Variants in TRERF1 observed in about 807,000 individuals in gnomAD.
TRERF1 encodes the protein transcriptional regulating factor 1.
Under a neutral mutation model 122.9 loss-of-function variants are expected in TRERF1, and 27 were observed. The observed-to-expected ratio is 0.22, with a 90% CI of 0.16 to 0.30. TRERF1 has a LOEUF of 0.30. TRERF1 is among the 10% of genes least tolerant of loss of function. TRERF1 has a pLI of 1.00. For synonymous variants in TRERF1, 636 were observed against 641.7 expected (o/e 0.99, Z 0.13); for missense variants, 1,248 against 1,560.3 (o/e 0.80, Z 3.37).
At chr6:42,234,115 A>G (rs1409604544) in intron 16 of TRERF1, among the ~76,000 whole-genome samples, 1 of 152,086 alleles carries the variant, frequency 6.6e-6, no homozygotes, top group East Asian at 1.9e-4. Flanking sequence ...ATTTATGATA[A>G]AAGTTATGAT....
intron 7 of TRERF1, 31 bp downstream of exon 7, chr6:42,264,673 T>C (rs942520139): frequency 1.2e-6 from 2 of 1,610,238 alleles, no homozygotes; most frequent in African/African-American, 2.7e-5. Context: ...GCACACGACC[T>C]AGAAAGGACC....
intron 4 of TRERF1, among the ~76,000 whole-genome samples, chr6:42,284,355 G>A (rs1401009001): frequency 1.3e-5 from 2 of 151,630 alleles, no homozygotes; most frequent in African/African-American, 2.4e-5. Flanking sequence ...CGTGAGCCAC[G>A]GCACCACAGT....
chr6:42,302,214 T>G (rs2150260510), intron 3 of TRERF1, among the ~76,000 whole-genome samples: 1 of 152,344 alleles, frequency 6.6e-6, no homozygotes, highest in African/African-American at 2.4e-5. Flanking sequence ...GCTGCTGGTA[T>G]GCATTCCTAC....
intron 4 of TRERF1, among the ~76,000 whole-genome samples, chr6:42,274,356 C>T (rs114658483): frequency 0.029 from 4,473 of 152,132 alleles, 232 homozygotes; most frequent in African/African-American, 0.1. Context: ...CAGTGCCTCG[C>T]TAATGGTAGA....
intron 12 of TRERF1, among the ~76,000 whole-genome samples, chr6:42,256,130 T>TAAAAAA (rs11376682): frequency 8.9e-6 from 1 of 112,638 alleles, no homozygotes; most frequent in African/African-American, 3.5e-5. Context: ...GACTCCATCT[T>TAAAAAA]AAAAAAAAAA....
chr6:42,296,480 C>G (rs897887751), intron 4 of TRERF1, among the ~76,000 whole-genome samples: 1 of 152,198 alleles, frequency 6.6e-6, no homozygotes, highest in Non-Finnish European at 1.5e-5. Context: ...GTTACAAGCT[C>G]TACAGGCATC....
intron 2 of TRERF1, among the ~76,000 whole-genome samples, chr6:42,410,415 C>T (rs1780939756): frequency 6.6e-6 from 1 of 152,144 alleles, no homozygotes; most frequent in African/African-American, 2.4e-5. Context: ...TCCCAAAGGG[C>T]TGGGATTACA....
At chr6:42,352,726 T>C (rs1183848344) in intron 3 of TRERF1, among the ~76,000 whole-genome samples, 1 of 152,090 alleles carries the variant, frequency 6.6e-6, no homozygotes, top group Non-Finnish European at 1.5e-5. Flanking sequence ...GAGATAAATA[T>C]AATAACTGGG....
chr6:42,228,068 A>G lies in TRERF1; in HGVS notation c.*277T>C, dbSNP rs768879766. 9 of 317,798 alleles carry G rather than the reference A, an allele frequency of 2.8e-5. No individual in the cohort carries two copies. Among genetic ancestry groups the G allele is most frequent in the Non-Finnish European group, 4.0e-5 (7 of 174,262 alleles). The allele number at this position is 317,798 out of a possible 1,614,324, so 19.7% of individuals were successfully genotyped here. On this transcript the variant is annotated 3_prime_UTR_variant, in exon 18 of 18. Coordinates refer to ENST00000372922, the Ensembl canonical transcript of TRERF1. The surrounding 1 kb of genome is among the most constrained non-coding windows in gnomAD (Gnocchi z 4.2). Reference sequence around the variant, plus strand: ...GCAATGGAACATGAAGGTCAGCTTCAGTCCCTACTGGGAATGATTTCATGA... The same window carrying G: ...GCAATGGAACATGAAGGTCAGCTTCGGTCCCTACTGGGAATGATTTCATGA...
chr6:42,256,657 A>G (rs1582602767), intron 12 of TRERF1, 71 bp downstream of exon 12: 3 of 1,385,642 alleles, frequency 2.2e-6, no homozygotes, highest in Admixed American at 3.4e-5. Context: ...TGTATGGTAC[A>G]TGAGACAATA....
At chr6:42,439,368 C>T (rs1786064396) in intron 2 of TRERF1, among the ~76,000 whole-genome samples, 1 of 152,122 alleles carries the variant, frequency 6.6e-6, no homozygotes, top group Admixed American at 6.5e-5. Context: ...ACAGTACGTA[C>T]CAGGCCCCAG....
At chr6:42,344,519 A>C (rs1767903157) in intron 3 of TRERF1, among the ~76,000 whole-genome samples, 1 of 152,206 alleles carries the variant, frequency 6.6e-6, no homozygotes, top group Non-Finnish European at 1.5e-5. Flanking sequence ...AATATGGTAT[A>C]TAAATGGTGG....
At chr6:42,401,258 T>C (rs938491729) in intron 2 of TRERF1, among the ~76,000 whole-genome samples, 2 of 152,316 alleles carry the variant, frequency 1.3e-5, no homozygotes, top group Middle Eastern at 3.4e-3. Context: ...GGCCGTCAAC[T>C]ACCAGTTACC....
At chr6:42,295,151 T>A (rs1784880255) in intron 4 of TRERF1, among the ~76,000 whole-genome samples, 1 of 152,202 alleles carries the variant, frequency 6.6e-6, no homozygotes, top group Non-Finnish European at 1.5e-5. Flanking sequence ...ACAATGTCCC[T>A]GCTTAGTCCC....
At chr6:42,365,098 CT>C (rs1489110915) in intron 2 of TRERF1, among the ~76,000 whole-genome samples, 1 of 152,148 alleles carries the variant, frequency 6.6e-6, no homozygotes, top group Non-Finnish European at 1.5e-5. Flanking sequence ...AGGTTGTCTC[CT>C]GAGTGGTGAA....
At chr6:42,387,339 A>C (rs1288221395) in intron 2 of TRERF1, among the ~76,000 whole-genome samples, 1 of 152,358 alleles carries the variant, frequency 6.6e-6, no homozygotes, top group Middle Eastern at 3.4e-3. Context: ...GCGAAGTCCA[A>C]GCCTGCCTAA....
At chr6:42,249,967 T>C (rs1212664159) in intron 13 of TRERF1, among the ~76,000 whole-genome samples, 2 of 152,194 alleles carry the variant, frequency 1.3e-5, no homozygotes, top group South Asian at 4.1e-4. Context: ...GCTAAAGCCT[T>C]GGACAGATAA....
intron 2 of TRERF1, among the ~76,000 whole-genome samples, chr6:42,421,387 C>T (rs1782739878): frequency 6.6e-6 from 1 of 152,152 alleles, no homozygotes; most frequent in Non-Finnish European, 1.5e-5. Flanking sequence ...CAAATATTTT[C>T]AAGAAACAAA....
chr6:42,350,325 C>T (rs1769171441), intron 3 of TRERF1, among the ~76,000 whole-genome samples: 1 of 152,208 alleles, frequency 6.6e-6, no homozygotes, highest in Admixed American at 6.5e-5. Context: ...AGTGACAGAG[C>T]TAAAACTACA....
Sources: gnomAD v4.1 joint callset for allele counts (sites outside exome capture counted in the v4.1 genomes callset) on GRCh38, gnomAD v4.1.1 for gene constraint, Gnocchi (gnomAD v3.1) non-coding constraint, MANE v1.5 for transcripts, NCBI Gene and HGNC (gene_info 2026-07-23, HGNC 2026-07-21) for gene names.